The following DST variants were observed in gnomAD, a reference collection of about 807,000 sequenced individuals.
The protein encoded by DST is bullous pemphigoid antigen.
Under a neutral mutation model 875.2 loss-of-function variants are expected in DST, and 253 were observed. That is an observed-to-expected ratio of 0.29 (90% CI 0.26 to 0.32). DST has a LOEUF of 0.32. Among genes scored for constraint, DST ranks in the 10% least tolerant of loss-of-function variants. DST has a pLI of 1.00. For missense variants in DST, 8,287 were observed against 9,111.6 expected, an observed-to-expected ratio of 0.91 and a Z score of 3.68; for synonymous variants, 3,124 against 3,197.1, an observed-to-expected ratio of 0.98 and a Z score of 0.77.
chr6:56,532,629 G>T, intron 63 of DST, 119 bp from the exon 64 acceptor site: 1 of 920,220 alleles, frequency 1.1e-6, no homozygotes. Flanking sequence ...ATGCACATAT[G>T]AAAGGATCTG....
Position 56,877,418 on chromosome 6 carries a change from TG to T in DST, c.417+23002del, listed in dbSNP as rs1392197784. Among the ~76,000 whole-genome samples, 7 of 152,272 alleles carry T rather than the reference TG, an allele frequency of 4.6e-5. No individual in the cohort carries two copies. In the Middle Eastern group the frequency reaches 0.01, roughly 222 times the overall value. On this transcript the variant is annotated intron_variant, in intron 3 of 103. Coordinates refer to ENST00000680361, the MANE Select transcript of DST (RefSeq NM_001374736.1). ...AAAAATACAAAAAATTAGCCGGGCA[TG>T]GTGGCAGGCACCTGTAATCCCAGCT...
intron 49 of DST, among the ~76,000 whole-genome samples, chr6:56,591,980 T>TTA (rs1295314716): frequency 2.8e-5 from 1 of 35,466 alleles, no homozygotes. Context: ...AGACTCCATC[T>TTA]CAAAAAAAAA....
intron 2 of DST, among the ~76,000 whole-genome samples, chr6:56,930,157 C>G (rs1809392122): frequency 6.6e-6 from 1 of 152,224 alleles, no homozygotes; most frequent in Non-Finnish European, 1.5e-5. Context: ...GTTTGCAGAC[C>G]TCTGGCCTCA....
In DST at chr6:56,609,116, G is replaced by A; in HGVS notation, c.5512C>T (p.Leu1838=). The change falls in exon 40 of 104, where the codon CTA becomes TTA. Residue 1838 remains leucine, a synonymous_variant. Transcript: ENST00000680361. The part of the protein sequence containing the change: ...DEQILCQLKE[L]SKAKEIISAA... ...GAAATAATCTCCTTAGCTTTACTTA[G>A]TTCTTTGAGTTGGCACAGAATTTGT... The A allele has an allele frequency of 6.2e-7, 1 of 1,613,818 alleles. No homozygotes were observed. The highest frequency in any genetic ancestry group is 2.2e-5 in the East Asian group (1 of 44,886).
intron 2 of DST, among the ~76,000 whole-genome samples, chr6:56,932,525 GAGA>G (rs1810879069): frequency 6.6e-6 from 1 of 152,106 alleles, no homozygotes; most frequent in Non-Finnish European, 1.5e-5. Context: ...AAGGGTGGGA[GAGA>G]AGGAGGAGGG....
intron 12 of DST, among the ~76,000 whole-genome samples, 199 bp downstream of exon 12, chr6:56,650,727 T>C (rs779889364): frequency 7.9e-5 from 12 of 152,218 alleles, no homozygotes; most frequent in Non-Finnish European, 1.5e-4. Flanking sequence ...ACACAAAAGT[T>C]TTAATGAGTT....
rs761472644 is a variant in DST, at chr6:56,485,341, A to G, written c.21178T>C (p.Leu7060=). The part of the protein sequence containing the change: ...EDQPVHGDID[L]VMNLIDNHKA... ...TGATTATCGATCAGATTCATCACCA[A>G]ATCAATGTCTCCATGAACAGGCTGG... The change falls in exon 88 of 104, where the codon TTG becomes CTG. Residue 7060 remains leucine, a synonymous_variant. Transcript: ENST00000680361. 3.3e-5 allele frequency: 53 copies of G among 1,613,664 alleles called. No individual in the cohort carries two copies. Among genetic ancestry groups the G allele is most frequent in the South Asian group, 8.8e-5 (8 of 90,996 alleles).
intron 85 of DST, among the ~76,000 whole-genome samples, chr6:56,491,167 A>T (rs1022657541): frequency 6.6e-6 from 1 of 152,226 alleles, no homozygotes; most frequent in African/African-American, 2.4e-5. Context: ...CCTCCCATTC[A>T]AAATGGGGTC....
intron 4 of DST, among the ~76,000 whole-genome samples, chr6:56,790,534 C>T (rs960913064): frequency 6.6e-6 from 1 of 152,186 alleles, no homozygotes; most frequent in Non-Finnish European, 1.5e-5. Flanking sequence ...ACTTTATCTT[C>T]TCATTCACAG....
rs113147436 is a variant in DST at position 56,773,103 on chromosome 6, A to G, written c.626-37814T>C. ...ACTAACTCAGCTGAGCCTTGAGATGACTACAACACCTTGACTGCCACCTGA... is the reference window on the plus strand; with the variant it reads ...ACTAACTCAGCTGAGCCTTGAGATGGCTACAACACCTTGACTGCCACCTGA... On this transcript the variant is annotated intron_variant, in intron 4 of 103. Transcript: ENST00000680361. 8.4e-3 allele frequency among the ~76,000 whole-genome samples: 1,279 copies of G among 152,174 alleles called. 15 individuals carry two copies. The highest frequency in any genetic ancestry group is 0.029 in the African/African-American group (1,200 of 41,514).
chr6:56,606,194 T>C lies in DST; in HGVS notation c.8434A>G (p.Ile2812Val). Residue 2812 changes from isoleucine to valine, a missense_variant, in exon 40 of 104, where the codon ATT becomes GTT. Coordinates refer to ENST00000680361, the MANE Select transcript of DST (RefSeq NM_001374736.1). ...CTTATACCTCCTCCTTCTTCATCAA[T>C]GCCATCATCATCATCGTCATCCTGA... ...NDQDDDDDDGIDEEGGGIRDE... is the reference protein window; with the variant it reads ...NDQDDDDDDGVDEEGGGIRDE... The C allele has an allele frequency of 6.3e-7, 1 of 1,583,750 alleles. No individual in the cohort carries two copies. The highest frequency in any genetic ancestry group is 8.6e-7 in the Non-Finnish European group (1 of 1,162,598).
At chr6:56,623,268 T>C (rs1433284999) in intron 36 of DST, among the ~76,000 whole-genome samples, 1 of 152,200 alleles carries the variant, frequency 6.6e-6, no homozygotes, top group Non-Finnish European at 1.5e-5. Context: ...ATCAGATACA[T>C]ACTATGAGAA....
intron 71 of DST, 135 bp downstream of exon 71, chr6:56,517,063 G>C (rs755272632): frequency 6.2e-5 from 43 of 693,256 alleles, no homozygotes; most frequent in Non-Finnish European, 9.4e-5. Flanking sequence ...CTTGAAAAAT[G>C]CCTTATTTAA....
At chr6:56,532,756 C>T (rs935642666) in intron 63 of DST, among the ~76,000 whole-genome samples, 3 of 152,082 alleles carry the variant, frequency 2.0e-5, no homozygotes, top group Admixed American at 2.0e-4. Flanking sequence ...CCACTAAACT[C>T]ATTACTAATT....
At chr6:56,892,167 C>T (rs910514467) in intron 3 of DST, among the ~76,000 whole-genome samples, 2 of 152,130 alleles carry the variant, frequency 1.3e-5, no homozygotes, top group African/African-American at 4.8e-5. Context: ...AAGCTTAAAC[C>T]AGTGGTTGTC....
In DST at chr6:56,783,363, C is replaced by T. The variant is rs1590238415; in HGVS notation, c.626-48074G>A. Among the ~76,000 whole-genome samples, 3 of 152,240 alleles carry T rather than the reference C, an allele frequency of 2.0e-5. 1 individual carries two copies. The highest frequency in any genetic ancestry group is 2.0e-4 in the Admixed American group (3 of 15,290). ...ATTATTATTGTGTGGGAGTCTAAGT[C>T]TCCTTGTAGGTCACTCAGGACTTGC... On this transcript the variant is annotated intron_variant, in intron 4 of 103. Coordinates refer to ENST00000680361, the MANE Select transcript of DST (RefSeq NM_001374736.1).
In DST at chr6:56,674,291, C is replaced by T. The variant is rs147302402; in HGVS notation, c.1048-3484G>A. ...GACTACTCACATAATCTCCTAAAAT[C>T]CATTTTCTTTCTTTTTTTTTTTTTA... is the stretch of plus-strand genomic sequence containing the variant. On this transcript the variant is annotated intron_variant, in intron 9 of 103. Coordinates refer to ENST00000680361, the MANE Select transcript of DST (RefSeq NM_001374736.1). Among the ~76,000 whole-genome samples, 4 of 151,926 alleles carry T rather than the reference C, an allele frequency of 2.6e-5. No individual in the cohort carries two copies. In the East Asian group the frequency reaches 7.7e-4, roughly 29 times the overall value.
chr6:56,813,432 A>G (rs1311257957), intron 4 of DST, among the ~76,000 whole-genome samples: 2 of 152,088 alleles, frequency 1.3e-5, no homozygotes, highest in African/African-American at 4.8e-5. Context: ...CGAAGCAAAT[A>G]CTTTTTAAAA....
chr6:56,812,307 C>T (rs969363399), intron 4 of DST, among the ~76,000 whole-genome samples: 1 of 151,988 alleles, frequency 6.6e-6, no homozygotes, highest in Non-Finnish European at 1.5e-5. Flanking sequence ...TAAAAATAAA[C>T]TCAAATGTTT....
Sources: allele counts gnomAD v4.1 joint callset (sites outside exome capture counted in the v4.1 genomes callset), GRCh38; gene constraint gnomAD v4.1.1; transcripts MANE v1.5; gene names NCBI Gene and HGNC (gene_info 2026-07-23, HGNC 2026-07-21).